Variants in SNTG2 observed in about 807,000 individuals in gnomAD.
SNTG2 encodes the protein syntrophin gamma 2.
In SNTG2, 74 loss-of-function variants were observed where a neutral mutation model predicts 70.9. That is an observed-to-expected ratio of 1.04 (90% CI 0.86 to 1.27). The LOEUF (loss-of-function observed/expected upper bound fraction) is 1.27, where lower values mean the gene tolerates loss of function less well. Ranked by LOEUF, SNTG2 falls within the 50% of genes most tolerant of loss-of-function variation. SNTG2 has a pLI of 0.00. For synonymous variants in SNTG2, 278 were observed against 273.8 expected, an observed-to-expected ratio of 1.02 and a Z score of -0.15; for missense variants, 717 against 690.7, an observed-to-expected ratio of 1.04 and a Z score of -0.43.
intron 1 of SNTG2, among the ~76,000 whole-genome samples, chr2:1,050,726 T>C (rs971128834): frequency 1.3e-5 from 2 of 152,220 alleles, no homozygotes; most frequent in Non-Finnish European, 2.9e-5. Context: ...CAGCTTCCAA[T>C]AACAATTATT....
intron 4 of SNTG2, among the ~76,000 whole-genome samples, chr2:1,118,541 G>A (rs908156327): frequency 1.3e-5 from 2 of 151,968 alleles, no homozygotes; most frequent in African/African-American, 4.8e-5. Flanking sequence ...TTAAAAATTA[G>A]AAGAGATAAG....
intron 1 of SNTG2, among the ~76,000 whole-genome samples, chr2:1,067,887 C>T (rs745792819): frequency 3.9e-5 from 6 of 152,102 alleles, no homozygotes; most frequent in African/African-American, 9.7e-5. Context: ...TCGCTTTCCC[C>T]GGGAGGAAGT....
At chr2:998,655 C>T (rs879260879) in intron 1 of SNTG2, among the ~76,000 whole-genome samples, 3 of 151,726 alleles carry the variant, frequency 2.0e-5, no homozygotes, top group Non-Finnish European at 4.4e-5. Context: ...AATATCCACA[C>T]CTACAATTCA....
chr2:1,055,003 A>G (rs1662301435), intron 1 of SNTG2, among the ~76,000 whole-genome samples: 1 of 151,894 alleles, frequency 6.6e-6, no homozygotes, highest in Non-Finnish European at 1.5e-5. Flanking sequence ...TCAGAAAACA[A>G]TTGCCTCTCA....
intron 9 of SNTG2, among the ~76,000 whole-genome samples, chr2:1,209,626 A>G (rs1673904230): frequency 6.6e-6 from 1 of 152,242 alleles, no homozygotes; most frequent in South Asian, 2.1e-4. Flanking sequence ...TTCTTCAGTA[A>G]TAAAATGAGA....
chr2:1,232,606 C>A (rs900460225), intron 9 of SNTG2, among the ~76,000 whole-genome samples: 2 of 152,288 alleles, frequency 1.3e-5, no homozygotes, highest in South Asian at 2.1e-4. Flanking sequence ...CCCACCATGA[C>A]TTTTTAATGA....
intron 4 of SNTG2, among the ~76,000 whole-genome samples, chr2:1,123,895 A>G (rs1271399752): frequency 6.6e-6 from 1 of 152,244 alleles, no homozygotes; most frequent in Non-Finnish European, 1.5e-5. Context: ...GACAAGCGCC[A>G]CATGCTCTCA....
intron 2 of SNTG2, among the ~76,000 whole-genome samples, chr2:1,096,133 T>C (rs1168421928): frequency 2.0e-5 from 3 of 152,096 alleles, no homozygotes; most frequent in Non-Finnish European, 4.4e-5. Flanking sequence ...AGTAACTCCC[T>C]CTCCCTCCTC....
chr2:1,078,250 A>G (rs1434298672), intron 1 of SNTG2, among the ~76,000 whole-genome samples: 1 of 152,190 alleles, frequency 6.6e-6, no homozygotes, highest in African/African-American at 2.4e-5. Context: ...CCCTTCCATC[A>G]TGGAACTCAT....
intron 8 of SNTG2, among the ~76,000 whole-genome samples, chr2:1,181,505 A>C (rs183406059): frequency 6.6e-6 from 1 of 152,314 alleles, no homozygotes; most frequent in Admixed American, 6.5e-5. Flanking sequence ...GCAACCTTGT[A>C]ATCACAAGAA....
intron 12 of SNTG2, among the ~76,000 whole-genome samples, chr2:1,255,879 T>TATAA (rs1678056173): frequency 1.1e-5 from 1 of 87,890 alleles, no homozygotes; most frequent in Admixed American, 1.3e-4. Context: ...TATAAATATA[T>TATAA]ATATAAATAT....
intron 11 of SNTG2, among the ~76,000 whole-genome samples, chr2:1,240,767 AAAG>A (rs1676994727): frequency 1.3e-5 from 2 of 152,218 alleles, no homozygotes; most frequent in South Asian, 4.1e-4. Flanking sequence ...CTACATTAGA[AAAG>A]AAACACTAAG....
At chr2:1,302,540 T>TA (rs34803391) in intron 14 of SNTG2, among the ~76,000 whole-genome samples, 1,423 of 68,126 alleles carry the variant, frequency 0.021, 8 homozygotes, top group East Asian at 0.062. Flanking sequence ...ATTGGAATGC[T>TA]AAAAAAAAAA....
intron 1 of SNTG2, among the ~76,000 whole-genome samples, chr2:983,116 T>C (rs1034350903): frequency 2.6e-4 from 33 of 128,900 alleles, no homozygotes; most frequent in African/African-American, 6.4e-4. Flanking sequence ...TCTGTAGAAG[T>C]TGTGGAAGTG....
At chr2:1,212,938 C>G (rs1674142059) in intron 9 of SNTG2, among the ~76,000 whole-genome samples, 1 of 152,152 alleles carries the variant, frequency 6.6e-6, no homozygotes, top group Non-Finnish European at 1.5e-5. Context: ...AAGCTGTAAG[C>G]TGTAGCCCAG....
At position 1,053,013 on chromosome 2, in the gene SNTG2, A is replaced by G. The variant is rs181031201; in HGVS notation, c.73-30505A>G. Among the ~76,000 whole-genome samples the G allele has an allele frequency of 2.5e-3, 383 of 152,302 alleles. 10 individuals carry two copies. The highest frequency in any genetic ancestry group is 1.0e-3 in the Non-Finnish European group (71 of 68,016). On this transcript the variant is annotated intron_variant, in intron 1 of 16. Coordinates refer to ENST00000308624, the MANE Select transcript of SNTG2 (RefSeq NM_018968.4). Reference sequence around the variant, plus strand: ...TTTTCAGGAGCGGAGATTTTCTGTTATCTTTTTCTGGTAGTTTTCCATTGC... The same window carrying G: ...TTTTCAGGAGCGGAGATTTTCTGTTGTCTTTTTCTGGTAGTTTTCCATTGC...
intron 1 of SNTG2, among the ~76,000 whole-genome samples, chr2:1,076,662 C>T (rs1663937406): frequency 6.6e-6 from 1 of 152,110 alleles, no homozygotes; most frequent in South Asian, 2.1e-4. Flanking sequence ...AGCAGAGATG[C>T]ACTCAGCTGC....
intron 13 of SNTG2, among the ~76,000 whole-genome samples, chr2:1,263,285 T>G (rs1678543878): frequency 6.6e-6 from 1 of 152,146 alleles, no homozygotes; most frequent in African/African-American, 2.4e-5. Context: ...TACTATAAAT[T>G]TATACAGTTA....
At chr2:1,044,657 T>C (rs1158720576) in intron 1 of SNTG2, among the ~76,000 whole-genome samples, 1 of 152,232 alleles carries the variant, frequency 6.6e-6, no homozygotes, top group African/African-American at 2.4e-5. Flanking sequence ...AATATGTTTT[T>C]TTGTTTTCAG....
Sources: gnomAD v4.1 joint callset for allele counts (sites outside exome capture counted in the v4.1 genomes callset) on GRCh38, gnomAD v4.1.1 for gene constraint, MANE v1.5 for transcripts, NCBI Gene and HGNC (gene_info 2026-07-23, HGNC 2026-07-21) for gene names.